SCD5: variants seen among roughly 807,000 people sequenced by gnomAD.
The protein encoded by SCD5 is acyl-CoA-desaturase 4.
SCD5 carries 20 observed loss-of-function variants against 30.4 expected under a neutral mutation model. The observed-to-expected ratio is 0.66, with a 90% CI of 0.46 to 0.96. SCD5 has a LOEUF of 0.96. SCD5 is among the 40% of genes least tolerant of loss of function. The probability of loss-of-function intolerance (pLI) is 0.00; values close to 1 mark genes in which losing one functional copy is unlikely to be tolerated. For synonymous variants in SCD5, 173 were observed against 176.4 expected (o/e 0.98, Z 0.16); for missense variants, 381 against 443.3 (o/e 0.86, Z 1.26).
At chr4:82,722,131 T>C (rs905442750) in intron 1 of SCD5, among the ~76,000 whole-genome samples, 3 of 152,250 alleles carry the variant, frequency 2.0e-5, no homozygotes, top group Non-Finnish European at 4.4e-5. Context: ...ACTTTGCAGA[T>C]GGTATGGCTG....
chr4:82,659,733 T>A (rs189398104), intron 3 of SCD5, among the ~76,000 whole-genome samples: 10 of 152,098 alleles, frequency 6.6e-5, no homozygotes, highest in African/African-American at 2.4e-4. Context: ...TGCTGAGGAG[T>A]GTTTTACTTC....
chr4:82,686,990 G>A (rs1728722612), intron 2 of SCD5, among the ~76,000 whole-genome samples: 1 of 152,016 alleles, frequency 6.6e-6, no homozygotes, highest in Non-Finnish European at 1.5e-5. Context: ...GGCCAATATG[G>A]TGAAACCCTG....
intron 1 of SCD5, among the ~76,000 whole-genome samples, chr4:82,760,001 T>C (rs909741125): frequency 7.2e-5 from 11 of 152,148 alleles, no homozygotes; most frequent in African/African-American, 2.7e-4. Context: ...CCATCCATTC[T>C]ACCCATCACT....
intron 1 of SCD5, among the ~76,000 whole-genome samples, chr4:82,748,632 C>T (rs1721041905): frequency 6.6e-6 from 1 of 152,172 alleles, no homozygotes; most frequent in Non-Finnish European, 1.5e-5. Context: ...GTTCTTAAGT[C>T]TGCAGATGGT....
rs34976357 is a variant in SCD5, at chr4:82,653,707, T to TAGATATAG, written c.570-16885_570-16884insCTATATCT. Reference sequence around the variant, plus strand: ...ATAGATAGATAGATAGATAGATAGATATAGATAGATAGATAGATATAGATA... The same window carrying TAGATATAG: ...ATAGATAGATAGATAGATAGATAGATAGATATAGATAGATAGATAGATAGATATAGATA... On this transcript the variant is annotated intron_variant, in intron 3 of 4. Transcript: ENST00000319540. Among the ~76,000 whole-genome samples the TAGATATAG allele has an allele frequency of 9.7e-4, 60 of 61,652 alleles. No individual in the cohort carries two copies. In the South Asian group the frequency reaches 0.012, roughly 12 times the overall value. 40.4% of individuals were successfully genotyped at this position (61,652 alleles called of 152,430 possible). A position where few individuals can be genotyped will look rare whatever the true frequency, so the allele number is the denominator to read the frequency against.
intron 3 of SCD5, among the ~76,000 whole-genome samples, chr4:82,662,995 G>A (rs1388080749): frequency 1.3e-5 from 2 of 152,188 alleles, no homozygotes; most frequent in East Asian, 3.9e-4. Flanking sequence ...GATGAAAAAT[G>A]CAGACTATAA....
chr4:82,789,283 G>A lies in SCD5; in HGVS notation c.232+9023C>T, dbSNP rs535051272. ...TTGTTGACAAGAGAAGCAGGATCCC[G>A]ACATGTTCTAAAATAAGCTACAAGG... On this transcript the variant is annotated intron_variant, in intron 1 of 4. Transcript: ENST00000319540. Among the ~76,000 whole-genome samples, 3 of 152,262 alleles carry A rather than the reference G, an allele frequency of 2.0e-5. No individual in the cohort carries two copies. In the East Asian group the frequency reaches 5.8e-4, roughly 29 times the overall value.
At chr4:82,707,527 T>C (rs1408069864) in intron 1 of SCD5, among the ~76,000 whole-genome samples, 1 of 152,240 alleles carries the variant, frequency 6.6e-6, no homozygotes. Flanking sequence ...ACCAAGAGAA[T>C]ATAGCAATAT....
At chr4:82,638,055 C>T (rs1487547995) in intron 3 of SCD5, among the ~76,000 whole-genome samples, 1 of 152,014 alleles carries the variant, frequency 6.6e-6, no homozygotes, top group African/African-American at 2.4e-5. Context: ...TCCGTGTGTT[C>T]TCATTGTTCA....
intron 3 of SCD5, among the ~76,000 whole-genome samples, chr4:82,641,024 A>G (rs1467043452): frequency 6.6e-6 from 1 of 152,190 alleles, no homozygotes; most frequent in Non-Finnish European, 1.5e-5. Context: ...ACTGAGCCTC[A>G]GGTTTCTCTT....
intron 1 of SCD5, among the ~76,000 whole-genome samples, chr4:82,712,264 A>G (rs868018271): frequency 3.1e-3 from 133 of 42,446 alleles, no homozygotes; most frequent in African/African-American, 0.021. Context: ...ATATATATAT[A>G]TATATATATA....
At chr4:82,730,488 G>A (rs1720613122) in intron 1 of SCD5, among the ~76,000 whole-genome samples, 1 of 150,640 alleles carries the variant, frequency 6.6e-6, no homozygotes, top group Non-Finnish European at 1.5e-5. Flanking sequence ...AGTAGAAACG[G>A]GGTTTCACCG....
intron 1 of SCD5, among the ~76,000 whole-genome samples, chr4:82,776,728 A>T (rs1467356140): frequency 6.6e-6 from 1 of 152,234 alleles, no homozygotes; most frequent in Non-Finnish European, 1.5e-5. Flanking sequence ...GAGGAAGAAG[A>T]AGTTCCATAA....
At chr4:82,730,539 G>A (rs1488846953) in intron 1 of SCD5, among the ~76,000 whole-genome samples, 7 of 148,364 alleles carry the variant, frequency 4.7e-5, no homozygotes, top group African/African-American at 1.2e-4. Flanking sequence ...ATCATGATCC[G>A]CCCACCTTGG....
intron 1 of SCD5, among the ~76,000 whole-genome samples, chr4:82,730,996 C>G (rs915547774): frequency 1.3e-5 from 2 of 152,174 alleles, no homozygotes; most frequent in Admixed American, 1.3e-4. Flanking sequence ...AAACTTCCTG[C>G]TTGGGGTACA....
At chr4:82,646,908 C>T (rs959907694) in intron 3 of SCD5, among the ~76,000 whole-genome samples, 14 of 152,110 alleles carry the variant, frequency 9.2e-5, no homozygotes, top group African/African-American at 2.9e-4. Flanking sequence ...CTGCAACCTC[C>T]GCTTCCTGGG....
chr4:82,724,011 T>C (rs1720422992), intron 1 of SCD5, among the ~76,000 whole-genome samples: 1 of 152,194 alleles, frequency 6.6e-6, no homozygotes, highest in Non-Finnish European at 1.5e-5. Context: ...ATCATTTAGG[T>C]GTAAATGGCC....
intron 1 of SCD5, among the ~76,000 whole-genome samples, chr4:82,755,712 A>G (rs559071849): frequency 6.6e-6 from 1 of 152,336 alleles, no homozygotes; most frequent in East Asian, 1.9e-4. Flanking sequence ...CACTATTATC[A>G]TATTTCATAT....
chr4:82,643,028 T>C (rs1342735726), intron 3 of SCD5, among the ~76,000 whole-genome samples: 2 of 152,048 alleles, frequency 1.3e-5, no homozygotes, highest in African/African-American at 4.8e-5. Flanking sequence ...ACTTTGCAAA[T>C]AATTAATTTA....
Sources: gnomAD v4.1 joint callset for allele counts (sites outside exome capture counted in the v4.1 genomes callset) on GRCh38, gnomAD v4.1.1 for gene constraint, MANE v1.5 for transcripts, NCBI Gene and HGNC (gene_info 2026-07-23, HGNC 2026-07-21) for gene names.